The following ROBO1 variants were observed in gnomAD, a reference collection of about 807,000 sequenced individuals.
ROBO1 encodes roundabout guidance receptor 1.
A neutral mutation model predicts 195.9 loss-of-function variants in ROBO1; 149 were observed. The ratio of observed to expected loss-of-function variants is 0.76; its 90% CI spans 0.67 to 0.87. The LOEUF is 0.87. Among genes scored for constraint, ROBO1 ranks in the 40% least tolerant of loss-of-function variants. ROBO1 has a pLI of 0.00. For missense variants in ROBO1, 1,933 were observed against 2,068.3 expected, an observed-to-expected ratio of 0.93 and a Z score of 1.27; for synonymous variants, 816 against 733.2, an observed-to-expected ratio of 1.11 and a Z score of -1.82.
At chr3:79,385,192 G>A (rs116249162) in intron 2 of ROBO1, among the ~76,000 whole-genome samples, 5,236 of 152,078 alleles carry the variant, frequency 0.034, 199 homozygotes, top group African/African-American at 0.098. Context: ...AAATTTGGAC[G>A]CATGAAGTTA....
At chr3:78,622,790 A>G (rs899101448) in intron 26 of ROBO1, among the ~76,000 whole-genome samples, 3 of 152,170 alleles carry the variant, frequency 2.0e-5, no homozygotes, top group African/African-American at 7.2e-5. Flanking sequence ...GTTGCCATTA[A>G]CCTGAGACCC....
intron 7 of ROBO1, chr3:78,714,894 T>G (rs1462654849): frequency 1.8e-5 from 3 of 163,980 alleles, no homozygotes; most frequent in African/African-American, 7.2e-5. Context: ...AACAATGGTA[T>G]GAAATAACTG....
intron 2 of ROBO1, among the ~76,000 whole-genome samples, chr3:79,410,757 A>G (rs900851699): frequency 6.6e-6 from 1 of 152,116 alleles, no homozygotes; most frequent in African/African-American, 2.4e-5. Context: ...ATAATTTGGT[A>G]CTGGGAAATT....
chr3:78,866,995 C>T (rs773868592), intron 4 of ROBO1, among the ~76,000 whole-genome samples: 1 of 152,140 alleles, frequency 6.6e-6, no homozygotes, highest in Non-Finnish European at 1.5e-5. Flanking sequence ...TACAAGAAGA[C>T]AAAAATTTCC....
At chr3:79,402,384 A>G (rs551937116) in intron 2 of ROBO1, among the ~76,000 whole-genome samples, 3 of 152,076 alleles carry the variant, frequency 2.0e-5, no homozygotes, top group African/African-American at 7.2e-5. Flanking sequence ...TGTGAGGTGG[A>G]TTCTGTACCA....
intron 4 of ROBO1, among the ~76,000 whole-genome samples, chr3:78,770,363 T>C (rs1416482213): frequency 6.6e-6 from 1 of 152,212 alleles, no homozygotes; most frequent in Non-Finnish European, 1.5e-5. Context: ...TGATTGGTGT[T>C]TCTCTGAGGA....
At chr3:78,716,264 G>A (rs1398141092) in intron 7 of ROBO1, among the ~76,000 whole-genome samples, 5 of 152,108 alleles carry the variant, frequency 3.3e-5, no homozygotes, top group African/African-American at 7.2e-5. Flanking sequence ...AGAAATACCC[G>A]AAACTGGGTA....
intron 3 of ROBO1, among the ~76,000 whole-genome samples, chr3:78,981,932 T>TA (rs954646485): frequency 4.0e-5 from 6 of 151,878 alleles, no homozygotes; most frequent in Admixed American, 2.6e-4. Flanking sequence ...AGGAATCTCA[T>TA]AAAAAACAGA....
chr3:79,483,734 C>T (rs547501784), intron 2 of ROBO1, among the ~76,000 whole-genome samples: 30 of 152,094 alleles, frequency 2.0e-4, no homozygotes, highest in Non-Finnish European at 3.8e-4. Flanking sequence ...GGACCACTGT[C>T]ATGTATGTGG....
At chr3:78,700,021 T>C (rs1248008207) in intron 8 of ROBO1, among the ~76,000 whole-genome samples, 2 of 152,188 alleles carry the variant, frequency 1.3e-5, no homozygotes, top group Non-Finnish European at 2.9e-5. Context: ...CATTTGTATG[T>C]TTTATGTTGC....
At chr3:78,695,156 T>C (rs1401920144) in intron 8 of ROBO1, among the ~76,000 whole-genome samples, 1 of 149,062 alleles carries the variant, frequency 6.7e-6, no homozygotes, top group Non-Finnish European at 1.5e-5. Context: ...CATTAGGAGA[T>C]ACACCTAATG....
At chr3:79,376,738 G>GCA (rs2036399793) in intron 2 of ROBO1, among the ~76,000 whole-genome samples, 1 of 152,074 alleles carries the variant, frequency 6.6e-6, no homozygotes, top group Non-Finnish European at 1.5e-5. Flanking sequence ...ACACAGTCTT[G>GCA]GGTATATCTT....
In ROBO1 at chr3:79,552,008, A is replaced by C. The variant is rs1352672917; in HGVS notation, c.88+37816T>G. Among the ~76,000 whole-genome samples, 985 of 145,576 alleles carry C rather than the reference A, an allele frequency of 6.8e-3. 8 individuals carry two copies. The highest frequency in any genetic ancestry group is 0.021 in the African/African-American group (826 of 39,472). On this transcript the variant is annotated intron_variant, in intron 2 of 30. Coordinates refer to ENST00000464233, the MANE Select transcript of ROBO1 (RefSeq NM_002941.4). Reference sequence around the variant, plus strand: ...AAAAAAAAAAAAAAAAAAAAAAAAAAAAAAAACAGAGCTCGAGACATTTTG... The same window carrying C: ...AAAAAAAAAAAAAAAAAAAAAAAAACAAAAAACAGAGCTCGAGACATTTTG...
chr3:79,654,471 T>C (rs1162620945), intron 1 of ROBO1, among the ~76,000 whole-genome samples: 1 of 152,008 alleles, frequency 6.6e-6, no homozygotes, highest in African/African-American at 2.4e-5. Context: ...TTATTCAATA[T>C]AAAATGAAAT....
intron 2 of ROBO1, among the ~76,000 whole-genome samples, chr3:79,440,717 G>T (rs1441182736): frequency 6.6e-6 from 1 of 152,090 alleles, no homozygotes; most frequent in Non-Finnish European, 1.5e-5. Context: ...CAAAAGAGAG[G>T]CACATTTGTT....
At chr3:78,830,538 C>T (rs1426606725) in intron 4 of ROBO1, among the ~76,000 whole-genome samples, 2 of 152,168 alleles carry the variant, frequency 1.3e-5, no homozygotes, top group African/African-American at 4.8e-5. Flanking sequence ...TCCTTCTTCA[C>T]ATGGCGACAG....
intron 2 of ROBO1, among the ~76,000 whole-genome samples, chr3:79,500,848 A>G (rs1274008531): frequency 6.6e-6 from 1 of 152,102 alleles, no homozygotes. Context: ...AGCAAGGGGG[A>G]CCTAGCAACA....
intron 1 of ROBO1, among the ~76,000 whole-genome samples, chr3:79,687,120 G>T (rs932321301): frequency 6.6e-6 from 1 of 152,168 alleles, no homozygotes; most frequent in Non-Finnish European, 1.5e-5. Context: ...ATGGGGAAAT[G>T]ATTCTCTATT....
intron 3 of ROBO1, among the ~76,000 whole-genome samples, chr3:79,063,252 C>T (rs187732698): frequency 1.3e-4 from 20 of 152,084 alleles, no homozygotes; most frequent in Admixed American, 1.2e-3. Context: ...TTGACCTCTA[C>T]TCTGACTCCT....
Sources: gnomAD v4.1 joint callset for allele counts (sites outside exome capture counted in the v4.1 genomes callset) on GRCh38, gnomAD v4.1.1 for gene constraint, MANE v1.5 for transcripts, NCBI Gene and HGNC (gene_info 2026-07-23, HGNC 2026-07-21) for gene names.